BACH2: variants seen among roughly 807,000 people sequenced by gnomAD.
BACH2 encodes transcription regulator protein BACH2.
BACH2 carries 5 observed loss-of-function variants against 61.8 expected under a neutral mutation model. The observed-to-expected ratio is 0.08, with a 90% CI of 0.04 to 0.17. The LOEUF (loss-of-function observed/expected upper bound fraction) is 0.17, where lower values mean the gene tolerates loss of function less well. Ranked by LOEUF, BACH2 falls within the 10% of genes least tolerant of loss-of-function variation. The probability of loss-of-function intolerance (pLI) is 1.00; values close to 1 mark genes in which losing one functional copy is unlikely to be tolerated. For synonymous variants in BACH2, 446 were observed against 440.1 expected, an observed-to-expected ratio of 1.01 and a Z score of -0.17; for missense variants, 824 against 1,091.1, an observed-to-expected ratio of 0.76 and a Z score of 3.45.
chr6:90,232,430 TTC>T (rs1205929853), intron 3 of BACH2, among the ~76,000 whole-genome samples: 5 of 152,256 alleles, frequency 3.3e-5, no homozygotes, highest in Non-Finnish European at 7.3e-5. Flanking sequence ...TATTTTTCTT[TTC>T]TCTGTTTAAA....
chr6:90,052,719 C>A (rs1452237257), intron 5 of BACH2, among the ~76,000 whole-genome samples: 4 of 152,212 alleles, frequency 2.6e-5, no homozygotes, highest in African/African-American at 9.6e-5. Context: ...CCACACCCAG[C>A]CCTTAAAGTC....
Position 90,222,088 on chromosome 6 carries a change from G to A in BACH2, c.-274-15407C>T, listed in dbSNP as rs1178140550. 2.6e-5 allele frequency among the ~76,000 whole-genome samples: 4 copies of A among 152,172 alleles called. No homozygotes were observed. The East Asian group carries it at 7.7e-4, about 29-fold the overall frequency. On this transcript the variant is annotated intron_variant, in intron 3 of 8. Transcript: ENST00000257749. ...CTATCAATATAAAAAGTATTAATGT[G>A]CTATTTTACAAATTTTGTTCATACT...
intron 4 of BACH2, among the ~76,000 whole-genome samples, chr6:90,097,427 A>T (rs557668227): frequency 6.6e-6 from 1 of 152,300 alleles, no homozygotes; most frequent in South Asian, 2.1e-4. Flanking sequence ...AGGGCTTAAC[A>T]TCTGCTTTGG....
chr6:90,206,256 A>G (rs1769140622), intron 4 of BACH2, among the ~76,000 whole-genome samples: 1 of 152,220 alleles, frequency 6.6e-6, no homozygotes, highest in Non-Finnish European at 1.5e-5. Flanking sequence ...AAAAAGTGAT[A>G]TTTAGTCCCA....
chr6:89,983,166 G>A, intron 6 of BACH2, among the ~76,000 whole-genome samples: 1 of 152,222 alleles, frequency 6.6e-6, no homozygotes, highest in East Asian at 1.9e-4. Context: ...TTAAGCAGGT[G>A]CCAAAATTCT....
intron 7 of BACH2, among the ~76,000 whole-genome samples, chr6:89,946,913 G>C (rs1358299349): frequency 6.6e-6 from 1 of 151,954 alleles, no homozygotes; most frequent in African/African-American, 2.4e-5. Flanking sequence ...CCAGGGAACA[G>C]TTAAAAAGGA....
rs1199281036 is a variant in BACH2 at position 90,102,820 on chromosome 6, AT to A, written c.-161-13712del. ...AATAATAATAATAATAATAATAATA[AT>A]AATAATAATAATAATAATAAAAATA... On this transcript the variant is annotated intron_variant, in intron 4 of 8. Coordinates refer to ENST00000257749, the MANE Select transcript of BACH2 (RefSeq NM_021813.4). Among the ~76,000 whole-genome samples, 790 of 139,150 alleles carry A rather than the reference AT, an allele frequency of 5.7e-3. 5 individuals carry two copies. Among genetic ancestry groups the A allele is most frequent in the African/African-American group, 0.019 (745 of 38,692 alleles). 91.3% of individuals were successfully genotyped at this position (139,150 alleles called of 152,430 possible).
Position 90,072,637 on chromosome 6 carries a change from T to C in BACH2, c.-13+16324A>G, listed in dbSNP as rs997283409. On this transcript the variant is annotated intron_variant, in intron 5 of 8. Coordinates refer to ENST00000257749, the MANE Select transcript of BACH2 (RefSeq NM_021813.4). ...TTCTCTGCCTTTAGCTTCTCAGTCA[T>C]CCAACCCCGCCTCTGTGAAAAGTGC... Among the ~76,000 whole-genome samples, 459 of 152,272 alleles carry C rather than the reference T, an allele frequency of 3.0e-3. 1 individual carries two copies. The highest frequency in any genetic ancestry group is 0.01 in the African/African-American group (424 of 41,558).
chr6:89,959,251 T>C (rs971093286), intron 6 of BACH2, among the ~76,000 whole-genome samples: 9 of 152,132 alleles, frequency 5.9e-5, no homozygotes, highest in Non-Finnish European at 8.8e-5. Flanking sequence ...ACTTCAACTT[T>C]GGGCTGAAAA....
intron 4 of BACH2, among the ~76,000 whole-genome samples, chr6:90,090,848 T>G (rs1405773599): frequency 6.6e-6 from 1 of 152,196 alleles, no homozygotes; most frequent in Non-Finnish European, 1.5e-5. Context: ...CTTCTGGGGT[T>G]TTCCTATTTC....
intron 2 of BACH2, among the ~76,000 whole-genome samples, chr6:90,261,836 A>G (rs1244038727): frequency 6.6e-6 from 1 of 152,114 alleles, no homozygotes; most frequent in Admixed American, 6.6e-5. Flanking sequence ...ATGTAGTCTC[A>G]ATACTCATAA....
At chr6:90,109,084 T>C (rs779026218) in intron 4 of BACH2, among the ~76,000 whole-genome samples, 7 of 152,224 alleles carry the variant, frequency 4.6e-5, no homozygotes, top group Admixed American at 6.5e-5. Context: ...GCCCCTGTTC[T>C]GAAGGAAGAC....
At chr6:90,092,826 A>C (rs1782229193) in intron 4 of BACH2, among the ~76,000 whole-genome samples, 1 of 152,202 alleles carries the variant, frequency 6.6e-6, no homozygotes, top group South Asian at 2.1e-4. Flanking sequence ...GGGTTGGATG[A>C]AATGACTGTA....
chr6:90,216,442 T>C (rs1464902119), intron 3 of BACH2, among the ~76,000 whole-genome samples: 1 of 152,176 alleles, frequency 6.6e-6, no homozygotes, highest in Non-Finnish European at 1.5e-5. Flanking sequence ...CCCTTTCTGC[T>C]AATGTCGACT....
chr6:90,292,835 A>G (rs1772224129), intron 1 of BACH2, among the ~76,000 whole-genome samples: 1 of 152,268 alleles, frequency 6.6e-6, no homozygotes, highest in African/African-American at 2.4e-5. Context: ...AATATTTAAA[A>G]ATCAGGAAAT....
chr6:90,175,063 T>A (rs1767942283), intron 4 of BACH2, among the ~76,000 whole-genome samples: 1 of 152,108 alleles, frequency 6.6e-6, no homozygotes, highest in South Asian at 2.1e-4. Context: ...ATGTGGATGT[T>A]TTCTTTATTT....
At chr6:90,155,814 A>C (rs1784977287) in intron 4 of BACH2, among the ~76,000 whole-genome samples, 1 of 152,178 alleles carries the variant, frequency 6.6e-6, no homozygotes, top group Non-Finnish European at 1.5e-5. Context: ...GAGGGCAGCA[A>C]TTTGTGTCTG....
intron 5 of BACH2, among the ~76,000 whole-genome samples, chr6:90,024,200 T>G (rs972062510): frequency 6.6e-6 from 1 of 152,106 alleles, no homozygotes; most frequent in Non-Finnish European, 1.5e-5. Context: ...TGTTAACAAC[T>G]CAAGTATTGA....
chr6:90,092,291 A>AAAAAAAAAAAAAAAAAAAAAATATAT, intron 4 of BACH2, among the ~76,000 whole-genome samples: 1 of 113,842 alleles, frequency 8.8e-6, no homozygotes, highest in African/African-American at 3.6e-5. Flanking sequence ...AAAAAAAAAA[A>AAAAAAAAAAAAAAAAAAAAAATATAT]ATATATATAT....
Sources: allele counts gnomAD v4.1 joint callset (sites outside exome capture counted in the v4.1 genomes callset), GRCh38; gene constraint gnomAD v4.1.1; transcripts MANE v1.5; gene names NCBI Gene and HGNC (gene_info 2026-07-23, HGNC 2026-07-21).